FAT3: variants seen among roughly 807,000 people sequenced by gnomAD.
FAT3 encodes protocadherin Fat 3.
A neutral mutation model predicts 310.2 loss-of-function variants in FAT3; 95 were observed. The ratio of observed to expected loss-of-function variants is 0.31; its 90% CI spans 0.26 to 0.36. The LOEUF is 0.36. FAT3 is among the 10% of genes least tolerant of loss of function. FAT3 has a pLI of 1.00. For synonymous variants in FAT3, 2,314 were observed against 2,192.9 expected (o/e 1.06, Z -1.54); for missense variants, 5,408 against 5,715.6 (o/e 0.95, Z 1.74).
In FAT3 at chr11:92,801,851, C is replaced by G; in HGVS notation, c.8838C>G (p.Leu2946=). The change falls in exon 10 of 28, where the codon CTC becomes CTG. Residue 2946 remains leucine (L), a synonymous_variant. Coordinates refer to ENST00000525166, the MANE Select transcript of FAT3 (RefSeq NM_001367949.2). ...SDPPGEVVAV[L]STWDRDTSDV... Reference sequence around the variant, plus strand: ...CACCGGGCGAGGTGGTAGCCGTCCTCAGCACCTGGGACAGAGACACATCCG... The same window carrying G: ...CACCGGGCGAGGTGGTAGCCGTCCTGAGCACCTGGGACAGAGACACATCCG... The G allele has an allele frequency of 2.5e-6, 4 of 1,613,944 alleles. No individual in the cohort carries two copies. The highest frequency in any genetic ancestry group is 3.4e-6 in the Non-Finnish European group (4 of 1,179,854).
chr11:92,489,953 G>C (rs1258027978), intron 2 of FAT3, among the ~76,000 whole-genome samples: 1 of 151,114 alleles, frequency 6.6e-6, no homozygotes, highest in Admixed American at 6.6e-5. Flanking sequence ...TAGTCTGCAG[G>C]GTTCTCTGGA....
intron 4 of FAT3, among the ~76,000 whole-genome samples, chr11:92,713,664 A>G (rs916629033): frequency 6.6e-6 from 1 of 152,208 alleles, no homozygotes; most frequent in Admixed American, 6.5e-5. Flanking sequence ...AGTCTTTAAA[A>G]CTAAACTATT....
At position 92,799,625 on chromosome 11, in the gene FAT3, C is replaced by T. The variant is rs746881345; in HGVS notation, c.6612C>T (p.Pro2204=). The part of the protein sequence containing the change: ...SVNEDIRMNT[P]ILSINATSPE... ...ATGAAGACATCAGAATGAACACACC[C>T]ATCCTAAGCATCAATGCCACCAGTC... Residue 2204 remains proline (P), a synonymous_variant, in exon 10 of 28, where the codon CCC becomes CCT. Coordinates refer to ENST00000525166, the MANE Select transcript of FAT3 (RefSeq NM_001367949.2). 2 of 1,613,782 alleles carry T rather than the reference C, an allele frequency of 1.2e-6. No individual in the cohort carries two copies. The highest frequency in any genetic ancestry group is 1.7e-6 in the Non-Finnish European group (2 of 1,179,818).
chr11:92,695,088 ACC>A lies in FAT3; in HGVS notation c.3608-2293_3608-2292del, dbSNP rs577472418. Among the ~76,000 whole-genome samples, 10 of 151,826 alleles carry A rather than the reference ACC, an allele frequency of 6.6e-5. No individual in the cohort carries two copies. The East Asian group carries it at 1.2e-3, about 18-fold the overall frequency. ...ACTCACAGGCTATCTCCATCACCCC[ACC>A]CCACACCCACACCCACTGAGCCCAA... On this transcript the variant is annotated intron_variant, in intron 3 of 27. Transcript: ENST00000525166.
chr11:92,893,936 T>G lies in FAT3; in HGVS notation c.*2823T>G, dbSNP rs1169283369. On this transcript the variant is annotated 3_prime_UTR_variant, in exon 28 of 28. Transcript: ENST00000525166. ...TATCAAAGAGGAAACATACCCAGAGTGGGAAAGAGACTTGCCCAAGCCCAC... is the reference window on the plus strand; with the variant it reads ...TATCAAAGAGGAAACATACCCAGAGGGGGAAAGAGACTTGCCCAAGCCCAC... The G allele has an allele frequency of 3.3e-5, 5 of 152,094 alleles. No individual in the cohort carries two copies. Among genetic ancestry groups the G allele is most frequent in the African/African-American group, 1.2e-4 (5 of 41,436 alleles). The allele number at this position is 152,094 out of a possible 1,614,324, so 9.4% of individuals were successfully genotyped here.
chr11:92,334,184 T>C (rs1947994697), intron 1 of FAT3, among the ~76,000 whole-genome samples: 1 of 152,068 alleles, frequency 6.6e-6, no homozygotes, highest in East Asian at 1.9e-4. Flanking sequence ...GAGATCAGCC[T>C]GGGCAACATG....
At chr11:92,744,529 C>T (rs1945598427) in intron 4 of FAT3, among the ~76,000 whole-genome samples, 1 of 152,116 alleles carries the variant, frequency 6.6e-6, no homozygotes, top group Non-Finnish European at 1.5e-5. Context: ...ATGCAGTGTT[C>T]CCCATTTATA....
At chr11:92,583,280 A>C (rs1217157556) in intron 3 of FAT3, among the ~76,000 whole-genome samples, 1 of 152,038 alleles carries the variant, frequency 6.6e-6, no homozygotes, top group Non-Finnish European at 1.5e-5. Context: ...ACAGGACGAA[A>C]GTCTAGGGAG....
intron 3 of FAT3, among the ~76,000 whole-genome samples, chr11:92,624,391 C>CT (rs1941228910): frequency 6.6e-6 from 1 of 152,166 alleles, no homozygotes; most frequent in Non-Finnish European, 1.5e-5. Flanking sequence ...AAACTTAGAA[C>CT]TTGTCTGGGT....
At chr11:92,673,202 C>G (rs1943184596) in intron 3 of FAT3, among the ~76,000 whole-genome samples, 2 of 151,994 alleles carry the variant, frequency 1.3e-5, no homozygotes, top group South Asian at 4.2e-4. Flanking sequence ...AGGTTATTTC[C>G]TCAATTTTAT....
intron 3 of FAT3, among the ~76,000 whole-genome samples, chr11:92,576,302 T>C (rs945633656): frequency 6.6e-5 from 10 of 152,136 alleles, no homozygotes; most frequent in Non-Finnish European, 1.5e-5. Context: ...TAATTACTTA[T>C]TGGTCTCAAC....
chr11:92,459,641 AT>A (rs1951585908), intron 2 of FAT3, among the ~76,000 whole-genome samples: 1 of 152,140 alleles, frequency 6.6e-6, no homozygotes, highest in Non-Finnish European at 1.5e-5. Context: ...TGCACAGATA[AT>A]TTTGGTCAAA....
chr11:92,508,318 G>A (rs1270782065), intron 2 of FAT3, among the ~76,000 whole-genome samples: 1 of 152,028 alleles, frequency 6.6e-6, no homozygotes, highest in African/African-American at 2.4e-5. Flanking sequence ...TCATTCACTT[G>A]AGAAAAGAAT....
At chr11:92,588,951 G>A (rs1939288786) in intron 3 of FAT3, among the ~76,000 whole-genome samples, 1 of 151,940 alleles carries the variant, frequency 6.6e-6, no homozygotes, top group Non-Finnish European at 1.5e-5. Context: ...AAATGCAGCG[G>A]CATAATGAAG....
intron 3 of FAT3, among the ~76,000 whole-genome samples, chr11:92,687,848 T>C (rs2085945200): frequency 6.6e-6 from 1 of 151,976 alleles, no homozygotes; most frequent in Non-Finnish European, 1.5e-5. Flanking sequence ...GCCAGTATAG[T>C]ATGGGAAGGC....
chr11:92,227,240 C>T (rs945231042), intron 1 of FAT3, among the ~76,000 whole-genome samples: 1 of 152,174 alleles, frequency 6.6e-6, no homozygotes, highest in African/African-American at 2.4e-5. Flanking sequence ...ATTTTCTGGC[C>T]CCGACGCTAG....
intron 4 of FAT3, among the ~76,000 whole-genome samples, chr11:92,719,082 T>C (rs1944777224): frequency 6.6e-6 from 1 of 152,212 alleles, no homozygotes; most frequent in African/African-American, 2.4e-5. Flanking sequence ...CTGATATTTA[T>C]TGAAGCTATA....
chr11:92,778,977 A>T (rs1270921281), intron 7 of FAT3, among the ~76,000 whole-genome samples: 1 of 152,176 alleles, frequency 6.6e-6, no homozygotes, highest in Admixed American at 6.5e-5. Context: ...CCAGTCTTAA[A>T]CATTACAGAA....
intron 3 of FAT3, among the ~76,000 whole-genome samples, chr11:92,622,833 T>G (rs1280348049): frequency 2.6e-5 from 4 of 152,174 alleles, no homozygotes; most frequent in African/African-American, 9.7e-5. Flanking sequence ...GATGCTCTTC[T>G]TCCCTGAGAC....
Sources: allele counts gnomAD v4.1 joint callset (sites outside exome capture counted in the v4.1 genomes callset), GRCh38; gene constraint gnomAD v4.1.1; transcripts MANE v1.5; gene names NCBI Gene and HGNC (gene_info 2026-07-23, HGNC 2026-07-21).